The following AGMO variants were observed in gnomAD, a reference collection of about 807,000 sequenced individuals.
The protein encoded by AGMO is glyceryl-ether monooxygenase.
Under a neutral mutation model 60.2 loss-of-function variants are expected in AGMO, and 75 were observed. That is an observed-to-expected ratio of 1.25 (90% CI 1.03 to 1.51). The LOEUF is 1.51. Ranked by LOEUF, AGMO falls within the 40% of genes most tolerant of loss-of-function variation. The probability of loss-of-function intolerance (pLI) is 0.00; values close to 1 mark genes in which losing one functional copy is unlikely to be tolerated. For missense variants in AGMO, 763 were observed against 525.5 expected, an observed-to-expected ratio of 1.45 and a Z score of -4.42; for synonymous variants, 261 against 177.1, an observed-to-expected ratio of 1.47 and a Z score of -3.76.
intron 12 of AGMO, among the ~76,000 whole-genome samples, chr7:15,298,368 T>C (rs1349497463): frequency 6.6e-6 from 1 of 152,106 alleles, no homozygotes. Flanking sequence ...AATTATCTCA[T>C]ACCTCTTTTA....
chr7:15,435,514 T>C (rs1781375920), intron 3 of AGMO, among the ~76,000 whole-genome samples: 1 of 152,168 alleles, frequency 6.6e-6, no homozygotes, highest in South Asian at 2.1e-4. Context: ...TCACCATCTA[T>C]GTATCTTCTT....
At chr7:15,490,912 C>A (rs1455003305) in intron 3 of AGMO, among the ~76,000 whole-genome samples, 1 of 152,128 alleles carries the variant, frequency 6.6e-6, no homozygotes, top group African/African-American at 2.4e-5. Context: ...TAGTAATAAT[C>A]TAACTTGATG....
At chr7:15,143,270 AACAG>A in the AGMO span, among the ~76,000 whole-genome samples, 1 of 152,206 alleles carries the variant, frequency 6.6e-6, no homozygotes, top group African/African-American at 2.4e-5. Flanking sequence ...AACATTTAGT[AACAG>A]ACAGGCCACT....
chr7:15,120,350 T>C, the AGMO span, among the ~76,000 whole-genome samples: 2 of 152,180 alleles, frequency 1.3e-5, no homozygotes, highest in African/African-American at 4.8e-5. Flanking sequence ...TTGACCCTGA[T>C]GATTAGTTCT....
At chr7:15,446,767 G>C (rs867469975) in intron 3 of AGMO, among the ~76,000 whole-genome samples, 39 of 152,260 alleles carry the variant, frequency 2.6e-4, no homozygotes, top group African/African-American at 9.4e-4. Flanking sequence ...GTTAGATAAT[G>C]CCTCGTTTGT....
intron 10 of AGMO, 133 bp downstream of exon 10, chr7:15,385,313 T>G (rs1356694855): frequency 1.7e-6 from 1 of 590,010 alleles, no homozygotes; most frequent in Non-Finnish European, 2.9e-6. Context: ...CCTATTTAAA[T>G]GTGAGACGTT....
At position 15,470,789 on chromosome 7, in the gene AGMO, T is replaced by C. The variant is rs568589100; in HGVS notation, c.410-39681A>G. Among the ~76,000 whole-genome samples the C allele has an allele frequency of 3.9e-5, 6 of 152,140 alleles. No individual in the cohort carries two copies. The East Asian group carries it at 1.2e-3, about 29-fold the overall frequency. ...GTTTCAGGAGAGATAAATTTCACTG[T>C]TCTTTGTTAGAATACCAATAAACAT... On this transcript the variant is annotated intron_variant, in intron 3 of 12. Transcript: ENST00000342526.
intron 12 of AGMO, among the ~76,000 whole-genome samples, chr7:15,291,548 TATC>T (rs1784264966): frequency 6.6e-6 from 1 of 152,160 alleles, no homozygotes; most frequent in Non-Finnish European, 1.5e-5. Context: ...CATGGAATAG[TATC>T]ATAATCTTAA....
intron 12 of AGMO, among the ~76,000 whole-genome samples, chr7:15,353,608 C>T (rs114394046): frequency 0.011 from 1,620 of 152,142 alleles, 36 homozygotes; most frequent in African/African-American, 0.038. Flanking sequence ...ATTTTTTGGA[C>T]GTGAAATTTT....
At chr7:15,320,809 C>T (rs990582258) in intron 12 of AGMO, among the ~76,000 whole-genome samples, 1 of 152,060 alleles carries the variant, frequency 6.6e-6, no homozygotes, top group South Asian at 2.1e-4. Flanking sequence ...TCTTTCTAAA[C>T]AAGGACCTCA....
chr7:15,406,931 G>GCACACACACA (rs375471235), intron 5 of AGMO, among the ~76,000 whole-genome samples: 1 of 94,502 alleles, frequency 1.1e-5, no homozygotes, highest in African/African-American at 4.0e-5. Context: ...ATACACACGC[G>GCACACACACA]CACACACACA....
At chr7:15,310,884 G>A (rs1780750876) in intron 12 of AGMO, among the ~76,000 whole-genome samples, 4 of 152,240 alleles carry the variant, frequency 2.6e-5, no homozygotes, top group Admixed American at 1.3e-4. Flanking sequence ...GAGGCTGCCC[G>A]CATTCTTTGG....
intron 12 of AGMO, among the ~76,000 whole-genome samples, chr7:15,271,800 G>T (rs1482297527): frequency 6.6e-6 from 1 of 152,088 alleles, no homozygotes; most frequent in East Asian, 1.9e-4. Flanking sequence ...GTTGGCTGTG[G>T]ATATGTCATA....
chr7:15,241,444 A>G (rs1782583277), intron 12 of AGMO, among the ~76,000 whole-genome samples: 1 of 116,720 alleles, frequency 8.6e-6, no homozygotes, highest in African/African-American at 3.3e-5. Flanking sequence ...TGGGCGAAAG[A>G]GTGAGACTCC....
intron 12 of AGMO, among the ~76,000 whole-genome samples, chr7:15,245,505 C>T (rs1168742758): frequency 6.6e-6 from 1 of 152,082 alleles, no homozygotes; most frequent in Non-Finnish European, 1.5e-5. Context: ...CTGATCCTCC[C>T]TCAACTTGGC....
the AGMO span, among the ~76,000 whole-genome samples, chr7:15,177,565 C>G: frequency 6.6e-6 from 1 of 152,084 alleles, no homozygotes; most frequent in African/African-American, 2.4e-5. Flanking sequence ...GTAACAGGAT[C>G]ACATTTGTTA....
intron 3 of AGMO, among the ~76,000 whole-genome samples, chr7:15,521,130 CCCAAGACTAAA>C (rs1327309928): frequency 6.6e-6 from 1 of 152,130 alleles, no homozygotes; most frequent in Non-Finnish European, 1.5e-5. Context: ...CATACACCCT[CCCAAGACTAAA>C]CCAAGAAAAA....
chr7:15,117,332 G>A, the AGMO span, among the ~76,000 whole-genome samples: 3 of 151,946 alleles, frequency 2.0e-5, no homozygotes, highest in South Asian at 2.1e-4. Flanking sequence ...TCATGTAACC[G>A]ATGTAATGGA....
chr7:15,549,726 T>C (rs1156265051), intron 2 of AGMO, among the ~76,000 whole-genome samples: 1 of 151,200 alleles, frequency 6.6e-6, no homozygotes, highest in Non-Finnish European at 1.5e-5. Context: ...TGGGAGACTT[T>C]AACACCTCAC....
Sources: gnomAD v4.1 joint callset for allele counts (sites outside exome capture counted in the v4.1 genomes callset) on GRCh38, gnomAD v4.1.1 for gene constraint, MANE v1.5 for transcripts, NCBI Gene and HGNC (gene_info 2026-07-23, HGNC 2026-07-21) for gene names.